The following FHIP1A variants were observed in gnomAD, a reference collection of about 807,000 sequenced individuals.
FHIP1A encodes the protein FHF complex subunit HOOK interacting protein 1A, also known as FHF complex subunit HOOK-interacting protein 1A.
A neutral mutation model predicts 88.6 loss-of-function variants in FHIP1A; 61 were observed. The ratio of observed to expected loss-of-function variants is 0.69; its 90% CI spans 0.56 to 0.85. The LOEUF (loss-of-function observed/expected upper bound fraction) is 0.85, where lower values mean the gene tolerates loss of function less well. FHIP1A is among the 40% of genes least tolerant of loss of function. FHIP1A has a pLI of 0.00. For missense variants in FHIP1A, 1,154 were observed against 1,273.5 expected, an observed-to-expected ratio of 0.91 and a Z score of 1.43; for synonymous variants, 478 against 496.0, an observed-to-expected ratio of 0.96 and a Z score of 0.48.
At chr4:151,553,797 A>T (rs1213805566) in intron 3 of FHIP1A, among the ~76,000 whole-genome samples, 3 of 152,238 alleles carry the variant, frequency 2.0e-5, no homozygotes, top group African/African-American at 7.2e-5. Context: ...AAATTCCAAG[A>T]CACTGTTCTG....
At chr4:151,582,715 A>AT (rs1304103650) in intron 5 of FHIP1A, among the ~76,000 whole-genome samples, 5 of 152,176 alleles carry the variant, frequency 3.3e-5, no homozygotes, top group Admixed American at 3.3e-4. Context: ...AAAATGGGTT[A>AT]ATGCTTAATG....
At chr4:151,537,247 G>T (rs1238947186) in intron 3 of FHIP1A, among the ~76,000 whole-genome samples, 1 of 151,886 alleles carries the variant, frequency 6.6e-6, no homozygotes, top group Non-Finnish European at 1.5e-5. Context: ...ACCAGCAAGT[G>T]ATCTAGTATC....
At chr4:151,502,169 A>G (rs560728908) in intron 3 of FHIP1A, among the ~76,000 whole-genome samples, 20 of 150,848 alleles carry the variant, frequency 1.3e-4, no homozygotes, top group Admixed American at 7.9e-4. Flanking sequence ...AAAAAAAAAA[A>G]AAAAGAAAAG....
chr4:151,554,556 A>T (rs1732872871), intron 3 of FHIP1A, among the ~76,000 whole-genome samples: 1 of 152,204 alleles, frequency 6.6e-6, no homozygotes, highest in Non-Finnish European at 1.5e-5. Flanking sequence ...GCAGGTACTT[A>T]GTAGGCACTT....
rs1737714280 is a variant in FHIP1A at position 151,667,691 on chromosome 4, T to C, written c.*4937T>C. On this transcript the variant is annotated 3_prime_UTR_variant, in exon 14 of 14. Coordinates refer to ENST00000435205, the MANE Select transcript of FHIP1A (RefSeq NM_001109977.3). ...AGAATCCTAAAACTGATCATGATTT[T>C]AGCTAGGACTGACCTTTCCTAGCTT... Among the ~76,000 whole-genome samples, 1 of 152,214 alleles carries C rather than the reference T, an allele frequency of 6.6e-6. No individual in the cohort carries two copies. The highest frequency in any genetic ancestry group is 1.5e-5 in the Non-Finnish European group (1 of 68,042).
chr4:151,541,754 T>A (rs903701815), intron 3 of FHIP1A, among the ~76,000 whole-genome samples: 1 of 152,228 alleles, frequency 6.6e-6, no homozygotes, highest in African/African-American at 2.4e-5. Flanking sequence ...TTATCAGACC[T>A]GGGCTCTGTC....
chr4:151,512,853 A>G (rs543524339), intron 3 of FHIP1A, among the ~76,000 whole-genome samples: 4 of 152,372 alleles, frequency 2.6e-5, no homozygotes, highest in Admixed American at 1.3e-4. Flanking sequence ...GATGGGGAGA[A>G]TGGAACCAAG....
At chr4:151,503,933 A>T (rs989609902) in intron 3 of FHIP1A, among the ~76,000 whole-genome samples, 1 of 152,208 alleles carries the variant, frequency 6.6e-6, no homozygotes, top group Non-Finnish European at 1.5e-5. Context: ...TTTACTTTGA[A>T]TGCAAAACAA....
Position 151,577,433 on chromosome 4 carries a change from G to A in FHIP1A, c.106-17G>A. ...GATAAACATCAGATGGATGACAAATGCTTGACTTGGTTACAGGTTGTGAAA... is the reference window on the plus strand; with the variant it reads ...GATAAACATCAGATGGATGACAAATACTTGACTTGGTTACAGGTTGTGAAA... On this transcript the variant is annotated splice_polypyrimidine_tract_variant and intron_variant, in intron 4 of 13. Transcript: ENST00000435205. 2 of 1,507,052 alleles carry A rather than the reference G, an allele frequency of 1.3e-6. No individual in the cohort carries two copies. Among genetic ancestry groups the A allele is most frequent in the South Asian group, 1.3e-5 (1 of 77,594 alleles). The allele number at this position is 1,507,052 out of a possible 1,614,324, so 93.4% of individuals were successfully genotyped here. A position where few individuals can be genotyped will look rare whatever the true frequency, so the allele number is the denominator to read the frequency against.
At chr4:151,599,052 A>G (rs1734758676) in intron 7 of FHIP1A, among the ~76,000 whole-genome samples, 1 of 152,312 alleles carries the variant, frequency 6.6e-6, no homozygotes, top group East Asian at 1.9e-4. Context: ...CAAAATACAC[A>G]TGGTCTCCAG....
chr4:151,554,448 G>C (rs1029822589), intron 3 of FHIP1A, among the ~76,000 whole-genome samples: 14 of 152,260 alleles, frequency 9.2e-5, no homozygotes, highest in Admixed American at 4.6e-4. Flanking sequence ...CTCTGGTTCT[G>C]AAATAATCAC....
In FHIP1A at chr4:151,458,047, C is replaced by T. The variant is rs767416634; in HGVS notation, c.-248+3239C>T. On this transcript the variant is annotated intron_variant, in intron 2 of 13. Coordinates refer to ENST00000435205, the MANE Select transcript of FHIP1A (RefSeq NM_001109977.3). Reference sequence around the variant, plus strand: ...CATTTATTGAGCACTTACTATGTGCCAGGCACATGTGCTATCTTATTCTGT... The same window carrying T: ...CATTTATTGAGCACTTACTATGTGCTAGGCACATGTGCTATCTTATTCTGT... 3.2e-4 allele frequency among the ~76,000 whole-genome samples: 48 copies of T among 152,162 alleles called. 1 individual carries two copies. The highest frequency in any genetic ancestry group is 5.7e-4 in the Non-Finnish European group (39 of 68,034).
At chr4:151,633,460 G>T (rs1242485563) in intron 8 of FHIP1A, among the ~76,000 whole-genome samples, 1 of 151,918 alleles carries the variant, frequency 6.6e-6, no homozygotes, top group African/African-American at 2.4e-5. Flanking sequence ...CTAATTTTAT[G>T]AGGCCAGTGT....
chr4:151,561,376 A>C (rs982590075), intron 3 of FHIP1A, among the ~76,000 whole-genome samples: 3 of 152,154 alleles, frequency 2.0e-5, no homozygotes, highest in Non-Finnish European at 2.9e-5. Context: ...TATTTTTCGC[A>C]GTCCAGCATT....
chr4:151,564,123 C>CT (rs1465004028), intron 3 of FHIP1A, among the ~76,000 whole-genome samples: 1 of 152,196 alleles, frequency 6.6e-6, no homozygotes, highest in Non-Finnish European at 1.5e-5. Context: ...CTTCTGAAAA[C>CT]TAACTTGAAG....
At chr4:151,477,510 T>C (rs1729750514) in intron 2 of FHIP1A, among the ~76,000 whole-genome samples, 1 of 152,166 alleles carries the variant, frequency 6.6e-6, no homozygotes, top group Non-Finnish European at 1.5e-5. Context: ...GAGATTGATA[T>C]ATTTGATTAC....
chr4:151,502,556 T>C (rs558298119), intron 3 of FHIP1A, among the ~76,000 whole-genome samples: 1 of 151,812 alleles, frequency 6.6e-6, no homozygotes, highest in Non-Finnish European at 1.5e-5. Flanking sequence ...GCAACAGGAA[T>C]CACCCAATCT....
intron 3 of FHIP1A, among the ~76,000 whole-genome samples, chr4:151,492,633 C>A (rs1446455369): frequency 1.3e-5 from 2 of 151,216 alleles, no homozygotes; most frequent in Non-Finnish European, 2.9e-5. Context: ...ATCAAGTACT[C>A]CTCTCTCAGA....
At chr4:151,540,653 T>C (rs1732250042) in intron 3 of FHIP1A, among the ~76,000 whole-genome samples, 1 of 152,212 alleles carries the variant, frequency 6.6e-6, no homozygotes, top group African/African-American at 2.4e-5. Context: ...ATAAAGAGTT[T>C]CTTATATAAA....
Sources: gnomAD v4.1 joint callset for allele counts (sites outside exome capture counted in the v4.1 genomes callset) on GRCh38, gnomAD v4.1.1 for gene constraint, MANE v1.5 for transcripts, NCBI Gene and HGNC (gene_info 2026-07-23, HGNC 2026-07-21) for gene names.